Variants in DEPDC1 observed in about 807,000 individuals in gnomAD.
DEPDC1 encodes the protein DEP domain-containing protein 1A.
DEPDC1 carries 66 observed loss-of-function variants against 86.8 expected under a neutral mutation model. The observed-to-expected ratio is 0.76, with a 90% CI of 0.62 to 0.93. The LOEUF (loss-of-function observed/expected upper bound fraction) is 0.93. Ranked by LOEUF, DEPDC1 falls within the 40% of genes least tolerant of loss-of-function variation. DEPDC1 has a pLI of 0.00. For synonymous variants in DEPDC1, 255 were observed against 314.9 expected (o/e 0.81, Z 2.02); for missense variants, 792 against 935.7 (o/e 0.85, Z 2.00).
chr1:68,474,589 T>C lies in DEPDC1; in HGVS notation c.*2343A>G, dbSNP rs1244535422. ...TAGGCTTTTTCACACTTTCTCTCTT[T>C]AAATGTGCAACACCTTCCCCATCCC... is the stretch of plus-strand genomic sequence containing the variant. On this transcript the variant is annotated 3_prime_UTR_variant, in exon 12 of 12. Transcript: ENST00000456315. 1 of 151,798 alleles carries C rather than the reference T, an allele frequency of 6.6e-6. No individual in the cohort carries two copies. The highest frequency in any genetic ancestry group is 2.4e-5 in the African/African-American group (1 of 41,162). The allele number at this position is 151,798 out of a possible 1,614,324, so 9.4% of individuals were successfully genotyped here. A position where few individuals can be genotyped will look rare whatever the true frequency, so the allele number is the denominator to read the frequency against.
intron 2 of DEPDC1, among the ~76,000 whole-genome samples, chr1:68,493,327 C>T (rs922286505): frequency 1.3e-5 from 2 of 152,096 alleles, no homozygotes; most frequent in Non-Finnish European, 2.9e-5. Context: ...AAAAAAAAAG[C>T]ATGGGCATTA....
chr1:68,493,574 A>G (rs953724539), intron 2 of DEPDC1, among the ~76,000 whole-genome samples: 2 of 152,226 alleles, frequency 1.3e-5, no homozygotes, highest in Non-Finnish European at 2.9e-5. Flanking sequence ...CAGTTTCCCC[A>G]TCTGTTAAAA....
At chr1:68,486,902 AC>A in intron 6 of DEPDC1, 34 bp downstream of exon 6, 1 of 1,518,452 alleles carries the variant, frequency 6.6e-7, no homozygotes, top group South Asian at 1.4e-5. Flanking sequence ...ACACACACAC[AC>A]ACACACACAC....
Position 68,476,750 on chromosome 1 carries a change from AT to A in DEPDC1, c.*181del, listed in dbSNP as rs1646117907. The A allele has an allele frequency of 1.9e-6, 1 of 522,634 alleles. No individual in the cohort carries two copies. Among genetic ancestry groups the A allele is most frequent in the Non-Finnish European group, 3.3e-6 (1 of 302,414 alleles). 32.4% of individuals were successfully genotyped at this position (522,634 alleles called of 1,614,324 possible). On this transcript the variant is annotated 3_prime_UTR_variant, in exon 12 of 12. Coordinates refer to ENST00000456315, the MANE Select transcript of DEPDC1 (RefSeq NM_001114120.3). ...TATCATCTATTGTTATGTGCTCTCA[AT>A]TGAGATCTAGTTAGTTTCCTAAGAG...
At chr1:68,488,873 C>G (rs371304402) in intron 4 of DEPDC1, 43 bp downstream of exon 4, 1 of 1,155,164 alleles carries the variant, frequency 8.7e-7, no homozygotes, top group African/African-American at 1.5e-5. Context: ...AATTAATAAT[C>G]AGAACACATC....
chr1:68,476,871 C>A lies in DEPDC1; in HGVS notation c.*61G>T. On this transcript the variant is annotated 3_prime_UTR_variant, in exon 12 of 12. Coordinates refer to ENST00000456315, the MANE Select transcript of DEPDC1 (RefSeq NM_001114120.3). Reference sequence around the variant, plus strand: ...AGACTTCCTTTTGAGTAGCTACATTCTCAGATATGGCTTCATTTATCAAAG... The same window carrying A: ...AGACTTCCTTTTGAGTAGCTACATTATCAGATATGGCTTCATTTATCAAAG... 6.5e-6 allele frequency: 9 copies of A among 1,374,600 alleles called. No homozygotes were observed. The highest frequency in any genetic ancestry group is 8.8e-6 in the Non-Finnish European group (9 of 1,023,898). The allele number at this position is 1,374,600 out of a possible 1,614,324, so 85.2% of individuals were successfully genotyped here.
chr1:68,493,160 G>A (rs1406517836), intron 2 of DEPDC1, among the ~76,000 whole-genome samples: 2 of 152,198 alleles, frequency 1.3e-5, no homozygotes, highest in Non-Finnish European at 2.9e-5. Context: ...GATAACTGGG[G>A]AGTAGTTAAG....
At chr1:68,480,790 A>G (rs1646150037) in intron 9 of DEPDC1, among the ~76,000 whole-genome samples, 1 of 151,976 alleles carries the variant, frequency 6.6e-6, no homozygotes. Flanking sequence ...GCGTGGAAGA[A>G]AGCATAACTC....
At position 68,496,889 on chromosome 1, in the gene DEPDC1, A is replaced by ACTGCGAACGGTCGAGGTAAAT; in HGVS notation, c.48+62_48+63insATTTACCTCGACCGTTCGCAG. 1 of 1,557,150 alleles carries ACTGCGAACGGTCGAGGTAAAT rather than the reference A, an allele frequency of 6.4e-7. No individual in the cohort carries two copies. Among genetic ancestry groups the ACTGCGAACGGTCGAGGTAAAT allele is most frequent in the Non-Finnish European group, 8.8e-7 (1 of 1,134,298 alleles). ...TAAAACTGCGAACGGTCGAGGTAAA[A>ACTGCGAACGGTCGAGGTAAAT]CTGCGAACAGTGGTGACTGCCGTCA... On this transcript the variant is annotated intron_variant, in intron 1 of 11. Coordinates refer to ENST00000456315, the MANE Select transcript of DEPDC1 (RefSeq NM_001114120.3). The surrounding 1 kb of genome is among the most constrained non-coding windows in gnomAD (Gnocchi z 4.0).
intron 11 of DEPDC1, 122 bp from the exon 12 acceptor site, chr1:68,477,191 T>G (rs1646122189): frequency 2.8e-6 from 2 of 720,102 alleles, no homozygotes; most frequent in Non-Finnish European, 2.1e-6. Flanking sequence ...TTAGTATCCT[T>G]TCATTTTATC....
Position 68,476,741 on chromosome 1 carries a change from G to T in DEPDC1, c.*191C>A. 1 of 493,344 alleles carries T rather than the reference G, an allele frequency of 2.0e-6. No individual in the cohort carries two copies. The highest frequency in any genetic ancestry group is 3.8e-5 in the South Asian group (1 of 26,274). 30.6% of individuals were successfully genotyped at this position (493,344 alleles called of 1,614,324 possible). A position where few individuals can be genotyped will look rare whatever the true frequency, so the allele number is the denominator to read the frequency against. On this transcript the variant is annotated 3_prime_UTR_variant, in exon 12 of 12. Coordinates refer to ENST00000456315, the MANE Select transcript of DEPDC1 (RefSeq NM_001114120.3). ...AGTATTTGGTATCATCTATTGTTAT[G>T]TGCTCTCAATTGAGATCTAGTTAGT...
chr1:68,480,606 C>T (rs1467508375), intron 9 of DEPDC1, among the ~76,000 whole-genome samples: 8 of 151,920 alleles, frequency 5.3e-5, no homozygotes, highest in African/African-American at 1.9e-4. Flanking sequence ...CTTGGAGGTC[C>T]TATGACTTCA....
intron 6 of DEPDC1, among the ~76,000 whole-genome samples, chr1:68,485,928 T>C (rs1048636672): frequency 1.3e-5 from 2 of 152,126 alleles, no homozygotes; most frequent in African/African-American, 4.8e-5. Flanking sequence ...AAATTATACT[T>C]GTAACTATTA....
At chr1:68,481,948 A>T in intron 8 of DEPDC1, 98 bp downstream of exon 8, 1 of 1,257,108 alleles carries the variant, frequency 8.0e-7, no homozygotes, top group East Asian at 2.5e-5. Flanking sequence ...GAGGAAAAAA[A>T]ATTAAGCAAC....
Position 68,476,161 on chromosome 1 carries a change from T to G in DEPDC1, c.*771A>C, listed in dbSNP as rs1297790607. ...AAAATAAATACCTTATGGAAGAGAT[T>G]ATATGTTTTATTTATCATTGTCTCT... On this transcript the variant is annotated 3_prime_UTR_variant, in exon 12 of 12. Transcript: ENST00000456315. The G allele has an allele frequency of 6.6e-6, 1 of 151,848 alleles. No individual in the cohort carries two copies. Among genetic ancestry groups the G allele is most frequent in the African/African-American group, 2.4e-5 (1 of 41,424 alleles). The allele number at this position is 151,848 out of a possible 1,614,324, so 9.4% of individuals were successfully genotyped here.
intron 2 of DEPDC1, among the ~76,000 whole-genome samples, chr1:68,491,140 G>A (rs1013807562): frequency 1.3e-5 from 2 of 152,104 alleles, no homozygotes; most frequent in Non-Finnish European, 2.9e-5. Flanking sequence ...ATTTCATGAT[G>A]AAGATGCTAA....
intron 4 of DEPDC1, 73 bp from the exon 5 acceptor site, chr1:68,488,577 A>G: frequency 8.0e-7 from 1 of 1,251,020 alleles, no homozygotes; most frequent in Non-Finnish European, 1.1e-6. Flanking sequence ...CTAGTAAACA[A>G]AGCCATCAGA....
At chr1:68,490,714 C>T (rs1646223876) in intron 2 of DEPDC1, among the ~76,000 whole-genome samples, 3 of 151,994 alleles carry the variant, frequency 2.0e-5, no homozygotes, top group Admixed American at 2.0e-4. Context: ...CAAAAAGAGC[C>T]CAAATAGCCA....
rs1361973260 is a variant in DEPDC1 at position 68,496,909 on chromosome 1, C to T, written c.48+43G>A. 5.1e-6 allele frequency: 8 copies of T among 1,579,840 alleles called. No homozygotes were observed. Among genetic ancestry groups the T allele is most frequent in the Non-Finnish European group, 6.1e-6 (7 of 1,153,558 alleles). On this transcript the variant is annotated intron_variant, in intron 1 of 11. Coordinates refer to ENST00000456315, the MANE Select transcript of DEPDC1 (RefSeq NM_001114120.3). This position sits in a 1 kb window ranked among gnomAD's most constrained non-coding sequence, Gnocchi z 4.0. ...GTAAAACTGCGAACAGTGGTGACTG[C>T]CGTCAGCCCGCTGACCGGTCCCGTC... is the stretch of plus-strand genomic sequence containing the variant.
Sources: allele counts gnomAD v4.1 joint callset (sites outside exome capture counted in the v4.1 genomes callset), GRCh38; gene constraint gnomAD v4.1.1; non-coding constraint Gnocchi (gnomAD v3.1); transcripts MANE v1.5; gene names NCBI Gene and HGNC (gene_info 2026-07-23, HGNC 2026-07-21).